IRF2: variants seen among roughly 807,000 people sequenced by gnomAD.
The protein encoded by IRF2 is interferon regulatory factor 2.
Under a neutral mutation model 40.6 loss-of-function variants are expected in IRF2, and 15 were observed. The observed-to-expected ratio is 0.37, with a 90% CI of 0.25 to 0.57. IRF2 has a LOEUF of 0.57. Ranked by LOEUF, IRF2 falls within the 20% of genes least tolerant of loss-of-function variation. The pLI, the probability that IRF2 is intolerant of heterozygous loss-of-function variation, is 0.77. For synonymous variants in IRF2, 151 were observed against 165.5 expected (o/e 0.91, Z 0.67); for missense variants, 317 against 455.7 (o/e 0.70, Z 2.77).
At chr4:184,400,080 C>A (rs930622222) in intron 6 of IRF2, among the ~76,000 whole-genome samples, 3 of 152,156 alleles carry the variant, frequency 2.0e-5, no homozygotes, top group East Asian at 1.9e-4. Context: ...TGTACCTGCA[C>A]CAGGACTAAG....
chr4:184,452,823 G>C (rs1365763441), intron 1 of IRF2, among the ~76,000 whole-genome samples: 1 of 121,214 alleles, frequency 8.2e-6, no homozygotes, highest in Non-Finnish European at 1.8e-5. Context: ...GAAATAGAGA[G>C]AGAAGAAAAA....
intron 1 of IRF2, among the ~76,000 whole-genome samples, chr4:184,430,120 C>T (rs1309766994): frequency 1.3e-5 from 2 of 152,172 alleles, no homozygotes; most frequent in Non-Finnish European, 2.9e-5. Flanking sequence ...TCTGAAAATT[C>T]TATTCCTTGG....
chr4:184,421,042 C>T (rs369533267), intron 2 of IRF2, among the ~76,000 whole-genome samples: 2 of 152,192 alleles, frequency 1.3e-5, no homozygotes, highest in African/African-American at 2.4e-5. Flanking sequence ...TCTTTCAAAG[C>T]TCTCAAGGCA....
At chr4:184,459,170 A>C (rs1739045967) in intron 1 of IRF2, among the ~76,000 whole-genome samples, 1 of 152,176 alleles carries the variant, frequency 6.6e-6, no homozygotes, top group South Asian at 2.1e-4. Flanking sequence ...ACCATATCCG[A>C]GTCCCAAGCA....
In IRF2 at chr4:184,408,566, G is replaced by A. The variant is rs771631784; in HGVS notation, c.412-291C>T. On this transcript the variant is annotated intron_variant, in intron 5 of 8. Coordinates refer to ENST00000393593, the MANE Select transcript of IRF2 (RefSeq NM_002199.4). The surrounding 1 kb of genome is among the most constrained non-coding windows in gnomAD (Gnocchi z 4.9). ...CTGCAGACAATAGCTTTGGGGCTAC[G>A]CAGAGCTGCATCATTGTCTCTGTAA... Among the ~76,000 whole-genome samples the A allele has an allele frequency of 2.0e-5, 3 of 152,170 alleles. No homozygotes were observed. Among genetic ancestry groups the A allele is most frequent in the Non-Finnish European group, 2.9e-5 (2 of 68,036 alleles).
At chr4:184,436,989 G>A (rs1281786554) in intron 1 of IRF2, among the ~76,000 whole-genome samples, 1 of 152,046 alleles carries the variant, frequency 6.6e-6, no homozygotes, top group East Asian at 1.9e-4. Context: ...GGGTTCAAGA[G>A]AGCCTCTCAC....
At chr4:184,453,465 T>C (rs1351292908) in intron 1 of IRF2, among the ~76,000 whole-genome samples, 2 of 152,242 alleles carry the variant, frequency 1.3e-5, no homozygotes, top group Admixed American at 1.3e-4. Context: ...AAAGAAGTGA[T>C]CCTATATTTC....
intron 1 of IRF2, 79 bp from the exon 2 acceptor site, chr4:184,429,149 T>A: frequency 1.8e-6 from 2 of 1,082,356 alleles, no homozygotes; most frequent in Non-Finnish European, 2.8e-6. Flanking sequence ...ACACCCCGCC[T>A]GACTCTTTCC....
At chr4:184,399,876 A>G (rs1736605654) in intron 6 of IRF2, among the ~76,000 whole-genome samples, 1 of 152,228 alleles carries the variant, frequency 6.6e-6, no homozygotes, top group African/African-American at 2.4e-5. Flanking sequence ...GTTTATTTTG[A>G]GATCATTGTA....
At chr4:184,436,382 G>A (rs865887836) in intron 1 of IRF2, among the ~76,000 whole-genome samples, 10 of 152,006 alleles carry the variant, frequency 6.6e-5, no homozygotes, top group Admixed American at 3.3e-4. Context: ...ATTCAAAGAC[G>A]GTAAGACATG....
intron 1 of IRF2, among the ~76,000 whole-genome samples, chr4:184,470,696 A>G: frequency 7.8e-6 from 1 of 128,318 alleles, no homozygotes; most frequent in East Asian, 2.3e-4. Flanking sequence ...CCTCAAAAAA[A>G]AAAAAAAAGA....
chr4:184,460,636 TGCAC>T (rs1459183793), intron 1 of IRF2, among the ~76,000 whole-genome samples: 2 of 145,860 alleles, frequency 1.4e-5, no homozygotes, highest in African/African-American at 5.2e-5. Flanking sequence ...CACACACGCA[TGCAC>T]GCACACACAC....
intron 1 of IRF2, among the ~76,000 whole-genome samples, chr4:184,465,811 T>C (rs944663076): frequency 6.6e-6 from 1 of 152,254 alleles, no homozygotes; most frequent in Non-Finnish European, 1.5e-5. Flanking sequence ...TCCGTGTACA[T>C]ACATCTTTGT....
At chr4:184,403,062 T>C (rs987337727) in intron 6 of IRF2, among the ~76,000 whole-genome samples, 50 of 152,160 alleles carry the variant, frequency 3.3e-4, no homozygotes, top group African/African-American at 1.2e-3. Context: ...TTAATATAAT[T>C]ACGTTATCTC....
At chr4:184,471,416 T>A (rs1342152631) in intron 1 of IRF2, among the ~76,000 whole-genome samples, 2 of 152,232 alleles carry the variant, frequency 1.3e-5, no homozygotes, top group Non-Finnish European at 2.9e-5. Flanking sequence ...TTATAATAGA[T>A]GTTCTAAGGA....
intron 1 of IRF2, among the ~76,000 whole-genome samples, chr4:184,452,322 G>A (rs1488929289): frequency 6.6e-6 from 1 of 152,172 alleles, no homozygotes; most frequent in Non-Finnish European, 1.5e-5. Flanking sequence ...TTCGGCCCAG[G>A]AAAAGCATTC....
chr4:184,469,365 G>A (rs139810444), intron 1 of IRF2, among the ~76,000 whole-genome samples: 1 of 152,208 alleles, frequency 6.6e-6, no homozygotes, highest in African/African-American at 2.4e-5. Flanking sequence ...GAAGTCATAT[G>A]TGTTTCTGAG....
chr4:184,406,854 G>A (rs1736876874), intron 6 of IRF2, among the ~76,000 whole-genome samples: 1 of 152,206 alleles, frequency 6.6e-6, no homozygotes, highest in African/African-American at 2.4e-5. Flanking sequence ...GATAAAGACA[G>A]GCAAGTTTGG....
chr4:184,428,344 G>A (rs1229409309), intron 2 of IRF2, among the ~76,000 whole-genome samples: 2 of 151,882 alleles, frequency 1.3e-5, no homozygotes, highest in Non-Finnish European at 1.5e-5. Context: ...GCCAGGAGAA[G>A]CAAAAAAAAG....
Sources: gnomAD v4.1 joint callset for allele counts (sites outside exome capture counted in the v4.1 genomes callset) on GRCh38, gnomAD v4.1.1 for gene constraint, Gnocchi (gnomAD v3.1) non-coding constraint, MANE v1.5 for transcripts, NCBI Gene and HGNC (gene_info 2026-07-23, HGNC 2026-07-21) for gene names.